Variants in UNC13C observed in about 807,000 individuals in gnomAD.
UNC13C encodes the protein protein unc-13 homolog C.
A neutral mutation model predicts 245.4 loss-of-function variants in UNC13C; 174 were observed. The ratio of observed to expected loss-of-function variants is 0.71; its 90% confidence interval spans 0.63 to 0.80. The LOEUF (loss-of-function observed/expected upper bound fraction) is 0.80, where lower values mean the gene tolerates loss of function less well. Ranked by LOEUF, UNC13C falls within the 30% of genes least tolerant of loss-of-function variation. The pLI is 0.00. For missense variants in UNC13C, 2,829 were observed against 2,602.9 expected, an observed-to-expected ratio of 1.09 and a Z score of -1.89; for synonymous variants, 992 against 895.1, an observed-to-expected ratio of 1.11 and a Z score of -1.93.
At chr15:54,155,611 A>T (rs983451025) in intron 4 of UNC13C, among the ~76,000 whole-genome samples, 1 of 152,230 alleles carries the variant, frequency 6.6e-6, no homozygotes, top group Non-Finnish European at 1.5e-5. Flanking sequence ...TAAATAATGG[A>T]AAAATAGATA....
chr15:54,382,442 A>T (rs1195914899), intron 17 of UNC13C, among the ~76,000 whole-genome samples: 1 of 152,036 alleles, frequency 6.6e-6, no homozygotes, highest in Admixed American at 6.6e-5. Flanking sequence ...TACAAAAATT[A>T]TCCTAGTGTA....
chr15:54,318,823 T>A (rs1383514348), intron 13 of UNC13C, among the ~76,000 whole-genome samples: 6 of 151,932 alleles, frequency 3.9e-5, no homozygotes, highest in East Asian at 1.9e-4. Context: ...ATCAAAAAAA[T>A]AATTATGTCA....
In UNC13C at chr15:54,627,459, C is replaced by T. The variant is rs1351388125; in HGVS notation, c.*346C>T. 1.2e-5 allele frequency: 2 copies of T among 172,976 alleles called. No homozygotes were observed. Among genetic ancestry groups the T allele is most frequent in the African/African-American group, 4.8e-5 (2 of 42,014 alleles). 10.7% of individuals were successfully genotyped at this position (172,976 alleles called of 1,614,324 possible). The stretch of plus-strand genomic sequence containing the variant: ...GTCTTTGTTAAATGAGATTATATTG[C>T]CCATAGATCAGAAAACATTTATTAC... On this transcript the variant is annotated 3_prime_UTR_variant, in exon 33 of 33. Coordinates refer to ENST00000260323, the MANE Select transcript of UNC13C (RefSeq NM_001080534.3).
At chr15:54,425,849 A>T (rs1372178891) in intron 19 of UNC13C, among the ~76,000 whole-genome samples, 2 of 151,840 alleles carry the variant, frequency 1.3e-5, no homozygotes, top group Non-Finnish European at 2.9e-5. Context: ...AGGAAGTCTG[A>T]TGTGGGTTTC....
intron 4 of UNC13C, among the ~76,000 whole-genome samples, chr15:54,175,541 C>T (rs1254024102): frequency 8.7e-6 from 1 of 114,528 alleles, no homozygotes; most frequent in Non-Finnish European, 1.6e-5. Flanking sequence ...GAGACGGAGT[C>T]TCGCACTGTA....
chr15:54,612,221 C>CA (rs1900140783), intron 30 of UNC13C, among the ~76,000 whole-genome samples: 1 of 152,004 alleles, frequency 6.6e-6, no homozygotes, highest in Non-Finnish European at 1.5e-5. Flanking sequence ...ATATTTTTCA[C>CA]AAAATCTCTA....
the UNC13C span, among the ~76,000 whole-genome samples, chr15:53,905,010 A>T: frequency 6.6e-6 from 1 of 152,184 alleles, no homozygotes; most frequent in Non-Finnish European, 1.5e-5. Flanking sequence ...GAATTGAGGC[A>T]TGCATAGACA....
Position 54,627,149 on chromosome 15 carries a change from G to T in UNC13C, c.*36G>T. 6.4e-7 allele frequency: 1 copy of T among 1,565,214 alleles called. No individual in the cohort carries two copies. Among genetic ancestry groups the T allele is most frequent in the Non-Finnish European group, 8.7e-7 (1 of 1,154,968 alleles). Reference sequence around the variant, plus strand: ...GCAAGCTAAATACATAACTATAATTGTTTGACTACTGCATGCATGTGCAAA... The same window carrying T: ...GCAAGCTAAATACATAACTATAATTTTTTGACTACTGCATGCATGTGCAAA... On this transcript the variant is annotated 3_prime_UTR_variant, in exon 33 of 33. Coordinates refer to ENST00000260323, the MANE Select transcript of UNC13C (RefSeq NM_001080534.3).
chr15:54,546,895 T>C, intron 27 of UNC13C, 50 bp downstream of exon 27: 3 of 1,488,970 alleles, frequency 2.0e-6, no homozygotes, highest in Non-Finnish European at 2.7e-6. Flanking sequence ...CTGTTTTTGG[T>C]TTAAGTGAAT....
intron 17 of UNC13C, among the ~76,000 whole-genome samples, chr15:54,343,811 A>C (rs2038794365): frequency 6.6e-6 from 1 of 152,200 alleles, no homozygotes; most frequent in East Asian, 1.9e-4. Flanking sequence ...TACCACAAGG[A>C]AAAGTGGGAA....
chr15:54,395,245 G>A (rs550631093), intron 18 of UNC13C, among the ~76,000 whole-genome samples: 2 of 151,896 alleles, frequency 1.3e-5, no homozygotes, highest in Admixed American at 1.3e-4. Context: ...CATCCTGGTG[G>A]CCAATGTTGC....
At position 54,015,144 on chromosome 15, in the gene UNC13C, T is replaced by C. The variant is rs763830527; in HGVS notation, c.2241T>C (p.Asn747=). The C allele has an allele frequency of 1.7e-5, 27 of 1,611,866 alleles. No individual in the cohort carries two copies. The Admixed American group carries it at 2.2e-4, about 13-fold the overall frequency. ...QYDSYQGANS[N]ELYQNQNQLS... ...ATTCTTATCAGGGAGCTAATTCTAA[T>C]GAGCTATACCAAAATCAAAACCAGT... is the stretch of plus-strand genomic sequence containing the variant. Residue 747 remains asparagine (N), a synonymous_variant, in exon 2 of 33, where the codon AAT becomes AAC. Coordinates refer to ENST00000260323, the MANE Select transcript of UNC13C (RefSeq NM_001080534.3).
chr15:54,420,086 A>G (rs1477331116), intron 19 of UNC13C, among the ~76,000 whole-genome samples: 1 of 152,116 alleles, frequency 6.6e-6, no homozygotes, highest in Non-Finnish European at 1.5e-5. Context: ...AGTAGCACCA[A>G]AATAGTAAAA....
chr15:54,355,084 A>G (rs546265589), intron 17 of UNC13C, among the ~76,000 whole-genome samples: 6 of 152,276 alleles, frequency 3.9e-5, no homozygotes, highest in African/African-American at 7.2e-5. Context: ...TCCAGACTCT[A>G]CAGAGAGTCC....
rs1256341582 is a variant in UNC13C at position 54,628,053 on chromosome 15, G to A, written c.*940G>A. On this transcript the variant is annotated 3_prime_UTR_variant, in exon 33 of 33. Coordinates refer to ENST00000260323, the MANE Select transcript of UNC13C (RefSeq NM_001080534.3). ...ACTATATATTGTACTGATGCCAAAA[G>A]TCATGTTTTCATCCACTTAGTGAAA... is the stretch of plus-strand genomic sequence containing the variant. 6.6e-6 allele frequency: 1 copy of A among 151,806 alleles called. No individual in the cohort carries two copies. The highest frequency in any genetic ancestry group is 1.5e-5 in the Non-Finnish European group (1 of 67,990). 9.4% of individuals were successfully genotyped at this position (151,806 alleles called of 1,614,324 possible).
At chr15:53,863,775 C>T in the UNC13C span, among the ~76,000 whole-genome samples, 6 of 152,312 alleles carry the variant, frequency 3.9e-5, no homozygotes, top group South Asian at 1.0e-3. Flanking sequence ...TGTATCTTCA[C>T]CCTCACTATT....
chr15:54,236,977 G>C (rs1287838288), intron 6 of UNC13C, among the ~76,000 whole-genome samples: 1 of 152,098 alleles, frequency 6.6e-6, no homozygotes, highest in Non-Finnish European at 1.5e-5. Context: ...CATATATTTT[G>C]GGTAGGAGTA....
At chr15:53,845,313 A>G in the UNC13C span, among the ~76,000 whole-genome samples, 1 of 90,058 alleles carries the variant, frequency 1.1e-5, no homozygotes, top group African/African-American at 3.6e-5. Context: ...TGACAGAGCG[A>G]GAGTCTCTCA....
chr15:54,143,359 G>A (rs1340783640), intron 3 of UNC13C, among the ~76,000 whole-genome samples: 3 of 152,252 alleles, frequency 2.0e-5, no homozygotes, highest in Admixed American at 2.0e-4. Flanking sequence ...TGCATATCAA[G>A]TTTTAAGGGC....
Sources: gnomAD v4.1 joint callset for allele counts (sites outside exome capture counted in the v4.1 genomes callset) on GRCh38, gnomAD v4.1.1 for gene constraint, MANE v1.5 for transcripts, NCBI Gene and HGNC (gene_info 2026-07-23, HGNC 2026-07-21) for gene names.